Variants in PLAAT1 observed in about 807,000 individuals in gnomAD.
PLAAT1 encodes the protein phospholipase A and acyltransferase 1.
Under a neutral mutation model 16.4 loss-of-function variants are expected in PLAAT1, and 13 were observed. That is an observed-to-expected ratio of 0.79 (90% confidence interval 0.52 to 1.26). The LOEUF is 1.26. Ranked by LOEUF, PLAAT1 falls within the 50% of genes most tolerant of loss-of-function variation. PLAAT1 has a pLI of 0.00. For missense variants in PLAAT1, 218 were observed against 207.8 expected, an observed-to-expected ratio of 1.05 and a Z score of -0.30; for synonymous variants, 73 against 78.4, an observed-to-expected ratio of 0.93 and a Z score of 0.36.
downstream of PLAAT1, chr3:193,279,406 A>G: frequency 6.2e-7 from 1 of 1,613,974 alleles, no homozygotes. Flanking sequence ...AGAAAACAGA[A>G]TGAAAATTGT....
In PLAAT1 at chr3:193,263,038, C is replaced by T. The variant is rs1716643902; in HGVS notation, c.208C>T (p.Leu70Phe). The T allele has an allele frequency of 2.5e-6, 4 of 1,613,956 alleles. No homozygotes were observed. The highest frequency in any genetic ancestry group is 3.4e-6 in the Non-Finnish European group (4 of 1,179,980). Reference protein sequence around the residue: ...FSSKALVKMQLLKDVVGNDTY... With the variant: ...FSSKALVKMQFLKDVVGNDTY... ...CAGTAAGGCCCTGGTGAAAATGCAG[C>T]TCTTGAAGGATGTTGTGGGAAATGA... The change falls in exon 3 of 4, where the codon CTC becomes TTC. Residue 70 changes from leucine to phenylalanine, a missense_variant. By Grantham distance (22) the Leu-to-Phe change is conservative. Coordinates refer to ENST00000264735, the MANE Select transcript of PLAAT1 (RefSeq NM_020386.5).
downstream of PLAAT1, chr3:193,275,308 A>G (rs768500710): frequency 5.0e-6 from 8 of 1,611,576 alleles, no homozygotes; most frequent in South Asian, 8.8e-5. Flanking sequence ...GAATCCTGAA[A>G]AATCAGATGG....
chr3:193,264,079 C>G (rs1417915634), intron 3 of PLAAT1, among the ~76,000 whole-genome samples: 1 of 151,900 alleles, frequency 6.6e-6, no homozygotes, highest in Non-Finnish European at 1.5e-5. Flanking sequence ...GAGTTGTTAC[C>G]TATGAAAACT....
upstream of PLAAT1, chr3:193,241,009 G>T (rs1027466318): frequency 1.1e-5 from 4 of 373,402 alleles, no homozygotes; most frequent in African/African-American, 8.5e-5. Context: ...GTGCGGAGCC[G>T]GGGGCGGAAT....
intron 1 of PLAAT1, among the ~76,000 whole-genome samples, chr3:193,244,092 C>A (rs1046854342): frequency 6.6e-6 from 1 of 152,250 alleles, no homozygotes; most frequent in Non-Finnish European, 1.5e-5. Flanking sequence ...CCATGGTAGG[C>A]CTGCACACAG....
At chr3:193,245,029 A>G (rs549240155) in intron 1 of PLAAT1, among the ~76,000 whole-genome samples, 11 of 152,234 alleles carry the variant, frequency 7.2e-5, no homozygotes, top group African/African-American at 2.6e-4. Flanking sequence ...CATCTCACCA[A>G]TTTATTATTT....
intron 3 of PLAAT1, among the ~76,000 whole-genome samples, chr3:193,266,567 C>T (rs1716783453): frequency 6.6e-6 from 1 of 152,092 alleles, no homozygotes; most frequent in African/African-American, 2.4e-5. Flanking sequence ...TCACAGACCT[C>T]AGTGAGAATG....
intron 1 of PLAAT1, among the ~76,000 whole-genome samples, chr3:193,241,799 A>G (rs1240424419): frequency 6.6e-6 from 1 of 152,208 alleles, no homozygotes; most frequent in Admixed American, 6.5e-5. Context: ...GTGAATATGA[A>G]TAATAATACA....
chr3:193,255,842 C>T (rs1716354689), intron 2 of PLAAT1, 53 bp downstream of exon 2: 16 of 1,436,084 alleles, frequency 1.1e-5, no homozygotes, highest in Non-Finnish European at 1.5e-5. Flanking sequence ...GTTCTTGTTA[C>T]AGGAAGTAAT....
chr3:193,249,632 A>G (rs1299985353), intron 1 of PLAAT1, among the ~76,000 whole-genome samples: 2 of 152,030 alleles, frequency 1.3e-5, no homozygotes, highest in Non-Finnish European at 2.9e-5. Flanking sequence ...ACAATAATTC[A>G]CATATTCTGT....
chr3:193,274,854 T>C (rs1717111383), downstream of PLAAT1: 1 of 723,556 alleles, frequency 1.4e-6, no homozygotes, highest in Non-Finnish European at 2.3e-6. Flanking sequence ...TTTCTCTCAT[T>C]GGTAAAGCAT....
downstream of PLAAT1, among the ~76,000 whole-genome samples, chr3:193,273,844 G>C (rs1466989463): frequency 6.6e-6 from 1 of 152,180 alleles, no homozygotes; most frequent in East Asian, 1.9e-4. Flanking sequence ...TAGAACTTAA[G>C]ATTGTTTAGT....
intron 1 of PLAAT1, among the ~76,000 whole-genome samples, chr3:193,251,910 TC>T (rs888391743): frequency 6.4e-4 from 97 of 152,256 alleles, no homozygotes; most frequent in African/African-American, 2.2e-3. Context: ...TTTGCTGAGG[TC>T]CCCTTATTGT....
At chr3:193,250,810 A>G (rs966396656) in intron 1 of PLAAT1, among the ~76,000 whole-genome samples, 2 of 152,206 alleles carry the variant, frequency 1.3e-5, no homozygotes, top group South Asian at 4.1e-4. Context: ...CCTTTCAGAC[A>G]TGAAGAAGCC....
chr3:193,246,289 T>C (rs753456875), intron 1 of PLAAT1, among the ~76,000 whole-genome samples: 14 of 152,184 alleles, frequency 9.2e-5, no homozygotes, highest in Non-Finnish European at 1.6e-4. Flanking sequence ...GTCAAATGTT[T>C]TTTCTGCATC....
chr3:193,264,332 C>T (rs1031116947), intron 3 of PLAAT1, among the ~76,000 whole-genome samples: 5 of 152,282 alleles, frequency 3.3e-5, no homozygotes, highest in African/African-American at 7.2e-5. Context: ...TCCTACTTAT[C>T]CTGCCCTATA....
chr3:193,258,818 C>G (rs908877199), intron 2 of PLAAT1, among the ~76,000 whole-genome samples: 14 of 152,032 alleles, frequency 9.2e-5, no homozygotes, highest in African/African-American at 3.4e-4. Context: ...CAGCCAAATT[C>G]CAGGAGGTGT....
rs775955287 is a variant in PLAAT1, at chr3:193,270,621, T to G, written c.423T>G (p.Ser141Arg). The G allele has an allele frequency of 3.7e-6, 6 of 1,613,600 alleles. No homozygotes were observed. The highest frequency in any genetic ancestry group is 5.1e-6 in the Non-Finnish European group (6 of 1,179,706). Residue 141 changes from serine (S) to arginine (R), a missense_variant, in exon 4 of 4, where the codon AGT (serine) becomes AGG (arginine). Transcript: ENST00000264735. ...CCTTATAGGCCAACCGAGCGATAAG[T>G]ACCGTTGAGTTTGTGACAGCTGCTG... ...GVSEQANRAI[S>R]TVEFVTAAVG...
rs1219077282 is a variant in PLAAT1, at chr3:193,241,287, G to A, written c.-247G>A. ...GCCCAGCGCGTCGGCCCCCCGGCGT[G>A]CGGGCGTCTCAGAGCCGCGGAGGGG... On this transcript the variant is annotated 5_prime_UTR_variant, in exon 1 of 4. Coordinates refer to ENST00000264735, the MANE Select transcript of PLAAT1 (RefSeq NM_020386.5). 8.1e-7 allele frequency: 1 copy of A among 1,230,410 alleles called. No homozygotes were observed. Among genetic ancestry groups the A allele is most frequent in the Non-Finnish European group, 1.0e-6 (1 of 987,188 alleles). 76.2% of individuals were successfully genotyped at this position (1,230,410 alleles called of 1,614,324 possible).
Sources: allele counts gnomAD v4.1 joint callset (sites outside exome capture counted in the v4.1 genomes callset), GRCh38; gene constraint gnomAD v4.1.1; transcripts MANE v1.5; gene names NCBI Gene and HGNC (gene_info 2026-07-23, HGNC 2026-07-21).